Variants in RABL2B observed in about 807,000 individuals in gnomAD.
The protein encoded by RABL2B is RAB, member of RAS oncogene family like 2B, also known as rab-like protein 2B.
RABL2B carries 17 observed loss-of-function variants against 26.7 expected under a neutral mutation model. The observed-to-expected ratio is 0.64, with a 90% CI of 0.44 to 0.95. The LOEUF is 0.95. RABL2B is among the 40% of genes least tolerant of loss of function. The probability of loss-of-function intolerance (pLI) is 0.00; values close to 1 mark genes in which losing one functional copy is unlikely to be tolerated. For missense variants in RABL2B, 170 were observed against 277.2 expected, an observed-to-expected ratio of 0.61 and a Z score of 2.75; for synonymous variants, 70 against 103.9, an observed-to-expected ratio of 0.67 and a Z score of 1.99.
chr22:50,773,937 G>A (rs8136016), intron 5 of RABL2B, among the ~76,000 whole-genome samples: 3 of 151,834 alleles, frequency 2.0e-5, no homozygotes, highest in Non-Finnish European at 4.4e-5. Flanking sequence ...CTCTGTCGCC[G>A]AGGCTGGAGT....
At chr22:50,781,174 A>C (rs1420859954) in intron 2 of RABL2B, among the ~76,000 whole-genome samples, 1 of 152,136 alleles carries the variant, frequency 6.6e-6, no homozygotes, top group Non-Finnish European at 1.5e-5. Flanking sequence ...CCCCGTCTCT[A>C]CTAAAAATAC....
intron 5 of RABL2B, chr22:50,772,201 G>T: frequency 1.0e-5 from 3 of 300,866 alleles, no homozygotes; most frequent in Non-Finnish European, 1.5e-5. Context: ...GCTAATTTTT[G>T]TATTTCTAGT....
At chr22:50,773,887 G>A (rs1555921024) in intron 5 of RABL2B, among the ~76,000 whole-genome samples, 1 of 151,274 alleles carries the variant, frequency 6.6e-6, no homozygotes, top group Non-Finnish European at 1.5e-5. Context: ...GCTATGGGGT[G>A]CCATGGCAGA....
chr22:50,769,308 G>A, intron 7 of RABL2B, 147 bp downstream of exon 7: 2 of 1,544,316 alleles, frequency 1.3e-6, no homozygotes, highest in Non-Finnish European at 1.8e-6. Context: ...TCAAGTCCAG[G>A]CCCATCAGCT....
intron 2 of RABL2B, chr22:50,780,700 T>C (rs1555928051): frequency 2.1e-6 from 1 of 470,934 alleles, no homozygotes; most frequent in African/African-American, 2.0e-5. Flanking sequence ...AAGACTGCCT[T>C]GTTTTCTAAT....
chr22:50,779,694 G>A (rs1182922560), intron 2 of RABL2B, among the ~76,000 whole-genome samples: 1 of 152,168 alleles, frequency 6.6e-6, no homozygotes, highest in Non-Finnish European at 1.5e-5. Context: ...AGAAAGCCAC[G>A]TCTTGTTGGC....
Position 50,767,790 on chromosome 22 carries a change from G to T in RABL2B, c.*986C>A. The stretch of plus-strand genomic sequence containing the variant: ...CTTGTAGTCCAAATGGACGTACCTT[G>T]TGGTATGGCTGTAAGGACTCGATTT... On this transcript the variant is annotated 3_prime_UTR_variant, in exon 9 of 9. Coordinates refer to ENST00000691320, the MANE Select transcript of RABL2B (RefSeq NM_001130919.3). 2.2e-6 allele frequency: 1 copy of T among 453,140 alleles called. No homozygotes were observed. The highest frequency in any genetic ancestry group is 4.4e-6 in the Non-Finnish European group (1 of 226,030). 28.1% of individuals were successfully genotyped at this position (453,140 alleles called of 1,614,324 possible).
intron 5 of RABL2B, 41 bp from the exon 6 acceptor site, chr22:50,770,057 A>G (rs2083910088): frequency 1.4e-5 from 22 of 1,612,520 alleles, no homozygotes; most frequent in Non-Finnish European, 1.6e-5. Flanking sequence ...AGGTATGTCA[A>G]TGTTTCTGCA....
At chr22:50,773,672 G>A (rs1434367296) in intron 5 of RABL2B, among the ~76,000 whole-genome samples, 5 of 151,478 alleles carry the variant, frequency 3.3e-5, no homozygotes, top group African/African-American at 1.2e-4. Context: ...GAGGCTGAGG[G>A]AAGAGCATGA....
intron 2 of RABL2B, among the ~76,000 whole-genome samples, chr22:50,780,108 G>A (rs536966467): frequency 3.0e-4 from 46 of 152,196 alleles, no homozygotes; most frequent in African/African-American, 1.1e-3. Flanking sequence ...AGGAGCAAAG[G>A]AAAAGCCTTC....
chr22:50,772,039 C>G (rs2084269479), intron 5 of RABL2B: 1 of 152,014 alleles, frequency 6.6e-6, no homozygotes, highest in East Asian at 1.9e-4. Flanking sequence ...GAGTCTTGCT[C>G]TGTTGCCCAG....
rs1377407988 is a variant in RABL2B at position 50,768,537 on chromosome 22, T to G, written c.*239A>C. Reference sequence around the variant, plus strand: ...GAGGGGGTGGGGAAGGTGTTAATGATGCTGATCCCTACTTCTGCTTCAAGG... The same window carrying G: ...GAGGGGGTGGGGAAGGTGTTAATGAGGCTGATCCCTACTTCTGCTTCAAGG... On this transcript the variant is annotated 3_prime_UTR_variant, in exon 9 of 9. Transcript: ENST00000691320. 2 of 1,029,186 alleles carry G rather than the reference T, an allele frequency of 1.9e-6. No homozygotes were observed. Among genetic ancestry groups the G allele is most frequent in the Non-Finnish European group, 2.8e-6 (2 of 726,698 alleles). 63.8% of individuals were successfully genotyped at this position (1,029,186 alleles called of 1,614,324 possible).
intron 4 of RABL2B, among the ~76,000 whole-genome samples, chr22:50,776,217 GAGTC>G (rs1368971175): frequency 1.3e-5 from 2 of 152,340 alleles, no homozygotes; most frequent in African/African-American, 4.8e-5. Flanking sequence ...ACGGTAGACA[GAGTC>G]AGGCAGGCTG....
intron 2 of RABL2B, among the ~76,000 whole-genome samples, chr22:50,780,298 CT>C (rs2085611230): frequency 6.6e-6 from 1 of 151,486 alleles, no homozygotes; most frequent in Admixed American, 6.6e-5. Flanking sequence ...TTGTAAATTT[CT>C]GAACTCTGCA....
chr22:50,769,420 C>T (rs2083802429), intron 7 of RABL2B, 35 bp downstream of exon 7: 1 of 1,610,038 alleles, frequency 6.2e-7, no homozygotes, highest in African/African-American at 1.3e-5. Context: ...ACCTAGCGCC[C>T]TGACCTTGCT....
At chr22:50,778,999 C>T (rs1193002039) in intron 2 of RABL2B, among the ~76,000 whole-genome samples, 1 of 151,100 alleles carries the variant, frequency 6.6e-6, no homozygotes, top group African/African-American at 2.4e-5. Context: ...GAAAATTACA[C>T]AAAGAAATTA....
intron 5 of RABL2B, chr22:50,770,219 A>T (rs1555917371): frequency 3.2e-6 from 2 of 629,034 alleles, no homozygotes; most frequent in South Asian, 1.9e-5. Flanking sequence ...AAATGTTTTT[A>T]AAAATCTTAT....
At chr22:50,776,001 G>A (rs2084927108) in intron 4 of RABL2B, 150 bp from the exon 5 acceptor site, 2 of 914,082 alleles carry the variant, frequency 2.2e-6, no homozygotes, top group Non-Finnish European at 1.7e-6. Flanking sequence ...CCCCACACGT[G>A]TGTCTTCAAG....
chr22:50,776,819 G>C (rs1190436654), intron 3 of RABL2B, 70 bp from the exon 4 acceptor site: 1 of 1,542,930 alleles, frequency 6.5e-7, no homozygotes, highest in Non-Finnish European at 8.8e-7. Flanking sequence ...AGGGGTGTTT[G>C]GTTTGATGAA....
Sources: allele counts gnomAD v4.1 joint callset (sites outside exome capture counted in the v4.1 genomes callset), GRCh38; gene constraint gnomAD v4.1.1; transcripts MANE v1.5; gene names NCBI Gene and HGNC (gene_info 2026-07-23, HGNC 2026-07-21).